PIAS2: variants seen among roughly 807,000 people sequenced by gnomAD.
PIAS2 encodes the protein protein inhibitor of activated STAT 2, also known as E3 SUMO-protein ligase PIAS2.
Under a neutral mutation model 69.7 loss-of-function variants are expected in PIAS2, and 19 were observed. That is an observed-to-expected ratio of 0.27 (90% CI 0.19 to 0.40). The LOEUF is 0.40. Ranked by LOEUF, PIAS2 falls within the 10% of genes least tolerant of loss-of-function variation. PIAS2 has a pLI of 1.00. For missense variants in PIAS2, 624 were observed against 757.0 expected (o/e 0.82, Z 2.06); for synonymous variants, 261 against 263.2 (o/e 0.99, Z 0.08).
In PIAS2 at chr18:46,842,921, G is replaced by A. The variant is rs140387989; in HGVS notation, c.1041+1133C>T. Among the ~76,000 whole-genome samples the A allele has an allele frequency of 1.4e-4, 22 of 152,206 alleles. 1 individual carries two copies. In the East Asian group the frequency reaches 3.1e-3, roughly 21 times the overall value. On this transcript the variant is annotated intron_variant, in intron 8 of 13. Transcript: ENST00000585916. ...TATATTTCAATAAAGGCAAATTCAT[G>A]TTTTTAAGTTAATGAAGATTAAAAG...
chr18:46,809,567 C>T lies in PIAS2; in HGVS notation c.*2866G>A, dbSNP rs1281829931. On this transcript the variant is annotated 3_prime_UTR_variant, in exon 14 of 14. Transcript: ENST00000585916. Reference sequence around the variant, plus strand: ...GGTCGGGAGTTCGAGACCAGCCTGACCAAAATGGAGAAACCCCGTATCTAC... The same window carrying T: ...GGTCGGGAGTTCGAGACCAGCCTGATCAAAATGGAGAAACCCCGTATCTAC... The T allele has an allele frequency of 6.6e-6, 1 of 152,020 alleles. No individual in the cohort carries two copies. The highest frequency in any genetic ancestry group is 1.5e-5 in the Non-Finnish European group (1 of 68,050). 9.4% of individuals were successfully genotyped at this position (152,020 alleles called of 1,614,324 possible).
intron 9 of PIAS2, among the ~76,000 whole-genome samples, chr18:46,835,829 A>T (rs1468309425): frequency 1.3e-5 from 2 of 152,214 alleles, no homozygotes; most frequent in Non-Finnish European, 2.9e-5. Context: ...TGCAATTTTT[A>T]AAAAAGTATT....
Position 46,808,330 on chromosome 18 carries a change from C to T in PIAS2, c.*4103G>A, listed in dbSNP as rs1330656717. 1.3e-5 allele frequency: 2 copies of T among 152,202 alleles called. No individual in the cohort carries two copies. Among genetic ancestry groups the T allele is most frequent in the Non-Finnish European group, 2.9e-5 (2 of 68,032 alleles). 9.4% of individuals were successfully genotyped at this position (152,202 alleles called of 1,614,324 possible). A position where few individuals can be genotyped will look rare whatever the true frequency, so the allele number is the denominator to read the frequency against. ...TTTTCTGTATTGTCTAAATTTTCCACAATAAGCATGTACTACTGACATAAA... is the reference window on the plus strand; with the variant it reads ...TTTTCTGTATTGTCTAAATTTTCCATAATAAGCATGTACTACTGACATAAA... On this transcript the variant is annotated 3_prime_UTR_variant, in exon 14 of 14. Transcript: ENST00000585916.
chr18:46,822,420 G>A (rs769214659), intron 11 of PIAS2, among the ~76,000 whole-genome samples: 4 of 152,086 alleles, frequency 2.6e-5, no homozygotes, highest in South Asian at 4.1e-4. Flanking sequence ...ACATTTTCCC[G>A]AGGTAGATAA....
At chr18:46,884,589 GAT>G (rs1200866293) in intron 2 of PIAS2, among the ~76,000 whole-genome samples, 2 of 151,758 alleles carry the variant, frequency 1.3e-5, no homozygotes, top group East Asian at 4.0e-4. Context: ...TGGGATTACA[GAT>G]GTGAGCCACC....
chr18:46,892,129 C>T (rs1014261427), intron 1 of PIAS2, among the ~76,000 whole-genome samples: 3 of 152,118 alleles, frequency 2.0e-5, no homozygotes, highest in Admixed American at 1.3e-4. Flanking sequence ...TCCTTTTCAA[C>T]CTGCTTGTCT....
At chr18:46,889,533 C>T (rs548790708) in intron 2 of PIAS2, among the ~76,000 whole-genome samples, 3 of 152,126 alleles carry the variant, frequency 2.0e-5, no homozygotes, top group Admixed American at 1.3e-4. Flanking sequence ...TAAGATACCA[C>T]CTGACACCCA....
At position 46,812,185 on chromosome 18, in the gene PIAS2, CAGGAAGATACAGT is replaced by C; in HGVS notation, c.*235_*247del. On this transcript the variant is annotated 3_prime_UTR_variant, in exon 14 of 14. Transcript: ENST00000585916. ...ACGTATGAAAGTGAAATCCATCTCT[CAGGAAGATACAGT>C]TATGGTTGAATGTATCTGATGCTGA... 3.1e-6 allele frequency: 1 copy of C among 326,178 alleles called. No homozygotes were observed. Among genetic ancestry groups the C allele is most frequent in the Non-Finnish European group, 5.6e-6 (1 of 179,064 alleles). The allele number at this position is 326,178 out of a possible 1,614,324, so 20.2% of individuals were successfully genotyped here. A position where few individuals can be genotyped will look rare whatever the true frequency, so the allele number is the denominator to read the frequency against.
chr18:46,900,064 T>C (rs2055558812), intron 1 of PIAS2, among the ~76,000 whole-genome samples: 1 of 152,138 alleles, frequency 6.6e-6, no homozygotes, highest in African/African-American at 2.4e-5. Flanking sequence ...ACATCGTCTC[T>C]ACTAAAAATA....
chr18:46,879,354 T>C (rs1486940725), intron 2 of PIAS2, among the ~76,000 whole-genome samples: 1 of 148,814 alleles, frequency 6.7e-6, no homozygotes, highest in Non-Finnish European at 1.5e-5. Flanking sequence ...TATAATGCAA[T>C]GCCACCTCAC....
intron 11 of PIAS2, chr18:46,827,224 G>A (rs1282681929): frequency 6.6e-6 from 1 of 152,172 alleles, no homozygotes; most frequent in Non-Finnish European, 1.5e-5. Context: ...AGACAGCCAG[G>A]AGAACTCTCC....
chr18:46,879,945 T>C (rs1291215504), intron 2 of PIAS2, among the ~76,000 whole-genome samples: 1 of 152,090 alleles, frequency 6.6e-6, no homozygotes, highest in African/African-American at 2.4e-5. Context: ...GAATAGTGAA[T>C]TACTGTTAAA....
At chr18:46,877,148 T>C (rs1170554161) in intron 2 of PIAS2, among the ~76,000 whole-genome samples, 2 of 152,254 alleles carry the variant, frequency 1.3e-5, no homozygotes, top group Non-Finnish European at 2.9e-5. Flanking sequence ...CAAAGGCTTA[T>C]TGAAACAGCT....
upstream of PIAS2, chr18:46,920,053 A>G: frequency 7.8e-7 from 1 of 1,289,330 alleles, no homozygotes; most frequent in South Asian, 1.2e-5. Context: ...CCCCACTGAA[A>G]CTTACGTGCA....
Position 46,917,476 on chromosome 18 carries a change from G to T in PIAS2, c.-131C>A. 1 of 1,207,812 alleles carries T rather than the reference G, an allele frequency of 8.3e-7. No individual in the cohort carries two copies. The highest frequency in any genetic ancestry group is 1.0e-6 in the Non-Finnish European group (1 of 968,878). The allele number at this position is 1,207,812 out of a possible 1,614,324, so 74.8% of individuals were successfully genotyped here. A position where few individuals can be genotyped will look rare whatever the true frequency, so the allele number is the denominator to read the frequency against. On this transcript the variant is annotated 5_prime_UTR_variant, in exon 1 of 14. Transcript: ENST00000585916. ...CACTGGGCGCCGCTTAAGACGCCGC[G>T]GCCGCCGCCGCTACAGCCGGGCCCG...
chr18:46,842,601 T>A (rs2045582437), intron 8 of PIAS2, among the ~76,000 whole-genome samples: 1 of 152,344 alleles, frequency 6.6e-6, no homozygotes, highest in South Asian at 2.1e-4. Context: ...AATATCCAAC[T>A]GTTTTTTAAC....
chr18:46,850,147 C>A (rs979278384), intron 5 of PIAS2, among the ~76,000 whole-genome samples: 2 of 152,102 alleles, frequency 1.3e-5, no homozygotes, highest in Non-Finnish European at 2.9e-5. Flanking sequence ...TATATATCTA[C>A]CAGTTCAGTA....
intron 13 of PIAS2, 36 bp downstream of exon 13, chr18:46,815,275 CA>C: frequency 6.3e-7 from 1 of 1,576,020 alleles, no homozygotes; most frequent in Non-Finnish European, 8.7e-7. Context: ...AACCAACAAT[CA>C]AATACAAATT....
rs990362125 is a variant in PIAS2 at position 46,821,443 on chromosome 18, T to C, written c.1509-371A>G. 3.3e-5 allele frequency among the ~76,000 whole-genome samples: 5 copies of C among 152,246 alleles called. 1 individual carries two copies. The highest frequency in any genetic ancestry group is 1.2e-4 in the African/African-American group (5 of 41,554). The stretch of plus-strand genomic sequence containing the variant: ...TCTATAAAGAAATTTAAAACTAACA[T>C]AGAAGATCCCTAAGGTTTGATTTAA... On this transcript the variant is annotated intron_variant, in intron 11 of 13. Transcript: ENST00000585916.
Sources: gnomAD v4.1 joint callset for allele counts (sites outside exome capture counted in the v4.1 genomes callset) on GRCh38, gnomAD v4.1.1 for gene constraint, MANE v1.5 for transcripts, NCBI Gene and HGNC (gene_info 2026-07-23, HGNC 2026-07-21) for gene names.